The following KANSL1 variants were observed in gnomAD, a reference collection of about 807,000 sequenced individuals.
KANSL1 encodes KAT8 regulatory NSL complex subunit 1.
A neutral mutation model predicts 103.6 loss-of-function variants in KANSL1; 22 were observed. That is an observed-to-expected ratio of 0.21 (90% CI 0.15 to 0.30). The LOEUF (loss-of-function observed/expected upper bound fraction) is 0.30, where lower values mean the gene tolerates loss of function less well. Among genes scored for constraint, KANSL1 ranks in the 10% least tolerant of loss-of-function variants. The pLI, the probability that KANSL1 is intolerant of heterozygous loss-of-function variation, is 1.00. For synonymous variants in KANSL1, 600 were observed against 527.6 expected (o/e 1.14, Z -1.88); for missense variants, 1,337 against 1,399.8 (o/e 0.96, Z 0.72).
At chr17:46,042,665 A>G (rs2077364994) in intron 7 of KANSL1, 2 of 152,182 alleles carry the variant, frequency 1.3e-5, no homozygotes, top group South Asian at 2.1e-4. Context: ...AGTTCTGCAG[A>G]GTAAAAGAAA....
In KANSL1 at chr17:46,047,945, T is replaced by C. The variant is rs184313557; in HGVS notation, c.2020+2588A>G. Among the ~76,000 whole-genome samples, 11 of 150,882 alleles carry C rather than the reference T, an allele frequency of 7.3e-5. 1 individual carries two copies. The East Asian group carries it at 1.8e-3, about 24-fold the overall frequency. On this transcript the variant is annotated intron_variant, in intron 7 of 14. Transcript: ENST00000432791. The stretch of plus-strand genomic sequence containing the variant: ...CCACCAAGACAGGGTCTCACTACCG[T>C]TCCCCAGGCTGCAGTGCATTGGCTC...
At chr17:46,170,343 T>C (rs1312479054) in intron 2 of KANSL1, 1 of 156,964 alleles carries the variant, frequency 6.4e-6, no homozygotes, top group East Asian at 1.9e-4. Flanking sequence ...CATTTTCTAA[T>C]TGTCAGTCCT....
Position 46,171,328 on chromosome 17 carries a change from G to T in KANSL1, c.816C>A (p.Ser272=). ...KLEGKKSPLS[S]ILFSALDSDT... ...CAGAATCTAAAGCACTGAAAAGAATGGAAGACAGGGGAGACTTTTTACCCT... is the reference window on the plus strand; with the variant it reads ...CAGAATCTAAAGCACTGAAAAGAATTGAAGACAGGGGAGACTTTTTACCCT... The change falls in exon 2 of 15, where the codon TCC becomes TCA. Residue 272 remains serine (S), a synonymous_variant. Transcript: ENST00000432791. The T allele has an allele frequency of 6.2e-7, 1 of 1,614,136 alleles. No homozygotes were observed. Among genetic ancestry groups the T allele is most frequent in the Non-Finnish European group, 8.5e-7 (1 of 1,180,044 alleles).
chr17:46,086,442 T>G (rs890106235), intron 3 of KANSL1, among the ~76,000 whole-genome samples: 15 of 152,220 alleles, frequency 9.9e-5, no homozygotes, highest in African/African-American at 3.6e-4. Flanking sequence ...TTCAGTTAAT[T>G]AAATCATTTA....
intron 2 of KANSL1, among the ~76,000 whole-genome samples, chr17:46,120,870 AAGAG>A (rs778534677): frequency 6.6e-6 from 1 of 152,208 alleles, no homozygotes; most frequent in Non-Finnish European, 1.5e-5. Context: ...GCTAGATTCA[AAGAG>A]AGAATGTTTC....
intron 4 of KANSL1, among the ~76,000 whole-genome samples, chr17:46,071,675 G>C (rs752753813): frequency 6.6e-6 from 1 of 152,140 alleles, no homozygotes; most frequent in Non-Finnish European, 1.5e-5. Flanking sequence ...AGTGTTTTTA[G>C]AAAACTAAAG....
At chr17:46,041,810 A>G (rs2077324827) in intron 7 of KANSL1, 1 of 151,730 alleles carries the variant, frequency 6.6e-6, no homozygotes, top group African/African-American at 2.4e-5. Context: ...GTCTTTATCC[A>G]TCTTTCAAAA....
In KANSL1 at chr17:46,033,152, G is replaced by A. The variant is rs1325326306; in HGVS notation, c.2765C>T (p.Ala922Val). The A allele has an allele frequency of 1.9e-6, 3 of 1,607,144 alleles. No homozygotes were observed. Among genetic ancestry groups the A allele is most frequent in the Non-Finnish European group, 2.5e-6 (3 of 1,176,622 alleles). The change falls in exon 13 of 15, where the codon GCC (alanine) becomes GTC (valine). Residue 922 changes from alanine to valine, a missense_variant. Transcript: ENST00000432791. ...LSDAAFAALH[A>V]KCEEMERARW... ...TGCCCTCTCCATCTCCTCACATTTG[G>A]CATGCAGGGCGGCGAAGGCTGCGTC...
At chr17:46,038,471 C>T in intron 10 of KANSL1, 67 bp downstream of exon 10, 1 of 1,566,692 alleles carries the variant, frequency 6.4e-7, no homozygotes, top group Non-Finnish European at 8.7e-7. Flanking sequence ...ACACTGTCCT[C>T]TGGAGCCACT....
chr17:46,150,464 C>G (rs1439424138), intron 2 of KANSL1, among the ~76,000 whole-genome samples: 1 of 152,196 alleles, frequency 6.6e-6, no homozygotes, highest in Non-Finnish European at 1.5e-5. Flanking sequence ...TCCCCTAAGC[C>G]TGTGGGCAGA....
At chr17:46,186,398 AG>A (rs1021054159) in intron 1 of KANSL1, among the ~76,000 whole-genome samples, 2 of 148,386 alleles carry the variant, frequency 1.3e-5, no homozygotes, top group African/African-American at 4.8e-5. Flanking sequence ...AAAAAAAAAA[AG>A]AATTCTAAAG....
intron 4 of KANSL1, among the ~76,000 whole-genome samples, chr17:46,073,984 C>T (rs904694395): frequency 3.9e-5 from 6 of 151,976 alleles, no homozygotes; most frequent in Admixed American, 1.3e-4. Flanking sequence ...TAAGTAGATA[C>T]AGAAATATAG....
chr17:46,101,734 A>T (rs1213698225), intron 2 of KANSL1, among the ~76,000 whole-genome samples: 1 of 129,444 alleles, frequency 7.7e-6, no homozygotes, highest in Non-Finnish European at 1.5e-5. Context: ...AGCCTGGGGG[A>T]CAGAGCAAGA....
At position 46,192,403 on chromosome 17, in the gene KANSL1, G is replaced by T. The variant is rs189789192; in HGVS notation, c.-90+420C>A. On this transcript the variant is annotated intron_variant, in intron 1 of 14. Coordinates refer to ENST00000432791, the MANE Select transcript of KANSL1 (RefSeq NM_015443.4). ...ACAAAAATAATAAATGAAACAATCA[G>T]AGTTGTGATACAAACCGTGCAACGC... The T allele has an allele frequency of 1.3e-5, 2 of 152,422 alleles. No individual in the cohort carries two copies. Among genetic ancestry groups the T allele is most frequent in the Non-Finnish European group, 2.9e-5 (2 of 68,066 alleles). 9.4% of individuals were successfully genotyped at this position (152,422 alleles called of 1,614,324 possible).
chr17:46,137,140 C>T (rs2044187542), intron 2 of KANSL1, among the ~76,000 whole-genome samples: 1 of 152,234 alleles, frequency 6.6e-6, no homozygotes. Flanking sequence ...CTCTTCCAGA[C>T]TCCTATTCAC....
intron 2 of KANSL1, among the ~76,000 whole-genome samples, chr17:46,105,748 A>C (rs1165568784): frequency 6.6e-6 from 1 of 152,032 alleles, no homozygotes; most frequent in African/African-American, 2.4e-5. Flanking sequence ...GTGCAAGCCT[A>C]AGGTCCCAGC....
intron 1 of KANSL1, among the ~76,000 whole-genome samples, chr17:46,220,563 A>G (rs1395458071): frequency 1.5e-4 from 23 of 152,394 alleles, no homozygotes; most frequent in Middle Eastern, 6.8e-3. Flanking sequence ...TACAAACATC[A>G]GAAAGTGTAA....
At chr17:46,183,568 G>A (rs563913524) in intron 1 of KANSL1, among the ~76,000 whole-genome samples, 4 of 149,536 alleles carry the variant, frequency 2.7e-5, no homozygotes, top group East Asian at 2.0e-4. Flanking sequence ...GAGGGGAGGA[G>A]AGAGGAGAGA....
chr17:46,119,978 C>G (rs1266416216), intron 2 of KANSL1: 2 of 152,244 alleles, frequency 1.3e-5, no homozygotes, highest in Non-Finnish European at 2.9e-5. Context: ...CTCTTGGATC[C>G]ATTTCTGTGG....
Sources: allele counts gnomAD v4.1 joint callset (sites outside exome capture counted in the v4.1 genomes callset), GRCh38; gene constraint gnomAD v4.1.1; transcripts MANE v1.5; gene names NCBI Gene and HGNC (gene_info 2026-07-23, HGNC 2026-07-21).